Variants in C11orf65 observed in about 807,000 individuals in gnomAD.
C11orf65 encodes protein MFI.
A neutral mutation model predicts 35.3 loss-of-function variants in C11orf65; 38 were observed. The ratio of observed to expected loss-of-function variants is 1.08; its 90% CI spans 0.83 to 1.41. The LOEUF (loss-of-function observed/expected upper bound fraction) is 1.41, where lower values mean the gene tolerates loss of function less well. Among genes scored for constraint, C11orf65 ranks in the 40% most tolerant of loss-of-function variants. C11orf65 has a pLI of 0.00. For missense variants in C11orf65, 370 were observed against 367.1 expected (o/e 1.01, Z -0.06); for synonymous variants, 105 against 114.4 (o/e 0.92, Z 0.53).
intron 6 of C11orf65, chr11:108,317,652 T>TATATATATATATATACACACACAC (rs1399501257): frequency 1.4e-4 from 16 of 117,450 alleles, no homozygotes; most frequent in African/African-American, 8.1e-4. Context: ...TATATATATA[T>TATATATATATATATACACACACAC]ACACACACAC....
At chr11:108,452,517 T>G (rs528453545) in intron 2 of C11orf65, among the ~76,000 whole-genome samples, 1 of 152,256 alleles carries the variant, frequency 6.6e-6, no homozygotes, top group South Asian at 2.1e-4. Context: ...CTGGAGAGGA[T>G]GTGGAGAAAT....
At chr11:108,390,964 C>CT (rs2092145537) in intron 7 of C11orf65, among the ~76,000 whole-genome samples, 1 of 152,048 alleles carries the variant, frequency 6.6e-6, no homozygotes, top group Non-Finnish European at 1.5e-5. Flanking sequence ...TCAGTATCTT[C>CT]TTTTTTCTTT....
chr11:108,409,611 G>A (rs551380863), intron 3 of C11orf65, among the ~76,000 whole-genome samples: 1 of 152,154 alleles, frequency 6.6e-6, no homozygotes, highest in South Asian at 2.1e-4. Flanking sequence ...TGATCATGAG[G>A]GTAAACAACT....
intron 2 of C11orf65, among the ~76,000 whole-genome samples, chr11:108,369,741 G>C (rs141373489): frequency 2.6e-4 from 39 of 152,264 alleles, no homozygotes; most frequent in Non-Finnish European, 4.9e-4. Flanking sequence ...AAAAGCAGTG[G>C]TTCTTAACCA....
chr11:108,339,717 C>CA (rs758149026), intron 2 of C11orf65, among the ~76,000 whole-genome samples: 1 of 152,006 alleles, frequency 6.6e-6, no homozygotes, highest in Admixed American at 6.6e-5. Flanking sequence ...AATCTCTCAA[C>CA]AAAAAATAAG....
chr11:108,387,682 C>A (rs2092044546), intron 7 of C11orf65, among the ~76,000 whole-genome samples: 1 of 152,036 alleles, frequency 6.6e-6, no homozygotes, highest in Admixed American at 6.6e-5. Context: ...TGCATGTCAC[C>A]ACACCTGGCT....
At chr11:108,317,662 C>CT (rs2084854387) in intron 6 of C11orf65, 1 of 223,586 alleles carries the variant, frequency 4.5e-6, no homozygotes, top group Admixed American at 6.1e-5. Context: ...TACACACACA[C>CT]ACACACACAC....
chr11:108,347,378 A>G lies in C11orf65; in HGVS notation c.227-12086T>C, dbSNP rs761992165. 1 of 1,537,932 alleles carries G rather than the reference A, an allele frequency of 6.5e-7. No homozygotes were observed. Among genetic ancestry groups the G allele is most frequent in the Non-Finnish European group, 9.0e-7 (1 of 1,111,600 alleles). On this transcript the variant is annotated intron_variant, in intron 2 of 3. Coordinates refer to the C11orf65 transcript ENST00000524755. ...CATATAGATCTAGGTAAGTAATAAA[A>G]TCTATGTATCTATTCTTTTTAGTAA...
At chr11:108,461,660 CTCTGTCACCCAAGCTGGA>C in intron 1 of C11orf65, 92 bp from the exon 2 acceptor site, 1 of 839,802 alleles carries the variant, frequency 1.2e-6, no homozygotes, top group South Asian at 1.9e-5. Context: ...CACATTCTTG[CTCTGTCACCCAAGCTGGA>C]GTGCAGTGGT....
intron 3 of C11orf65, among the ~76,000 whole-genome samples, chr11:108,429,867 G>A (rs937420540): frequency 6.6e-6 from 1 of 152,176 alleles, no homozygotes; most frequent in Non-Finnish European, 1.5e-5. Flanking sequence ...TGAGGACACT[G>A]TGCTAAGTGA....
At chr11:108,335,148 A>G (rs2136668586) in intron 3 of C11orf65, 2 of 1,613,180 alleles carry the variant, frequency 1.2e-6, no homozygotes, top group Non-Finnish European at 1.7e-6. Flanking sequence ...TTAGAGTTTT[A>G]GTGATGAAAA....
intron 2 of C11orf65, chr11:108,356,215 A>G (rs1006008278): frequency 7.2e-5 from 11 of 152,076 alleles, no homozygotes; most frequent in African/African-American, 2.7e-4. Flanking sequence ...TAAACTCTAA[A>G]GTTATATTAT....
chr11:108,370,597 A>G (rs2091537790), intron 2 of C11orf65, among the ~76,000 whole-genome samples: 1 of 149,686 alleles, frequency 6.7e-6, no homozygotes, highest in Non-Finnish European at 1.5e-5. Context: ...CTTTAAATTT[A>G]CTGTTTGCTG....
chr11:108,314,369 G>A (rs972724058), intron 6 of C11orf65, among the ~76,000 whole-genome samples: 8 of 152,076 alleles, frequency 5.3e-5, no homozygotes, highest in Admixed American at 3.9e-4. Context: ...GCTACCCAAA[G>A]TACTGGGATT....
chr11:108,393,685 AC>A (rs2092227067), intron 6 of C11orf65, among the ~76,000 whole-genome samples: 1 of 152,196 alleles, frequency 6.6e-6, no homozygotes. Flanking sequence ...GGTCTTAGAA[AC>A]CAAATAACTA....
At chr11:108,402,261 A>G (rs2092452639) in intron 6 of C11orf65, among the ~76,000 whole-genome samples, 1 of 152,156 alleles carries the variant, frequency 6.6e-6, no homozygotes, top group African/African-American at 2.4e-5. Flanking sequence ...CTCAAAAGGG[A>G]GAGTAAGGGT....
chr11:108,390,004 TTATTTA>T (rs1186779863), intron 7 of C11orf65, among the ~76,000 whole-genome samples: 1 of 149,892 alleles, frequency 6.7e-6, no homozygotes, highest in Non-Finnish European at 1.5e-5. Flanking sequence ...GGTTTTTTTT[TTATTTA>T]TTTTATTTTT....
intron 2 of C11orf65, among the ~76,000 whole-genome samples, chr11:108,448,719 G>T (rs11212646): frequency 0.012 from 1,790 of 152,038 alleles, 35 homozygotes; most frequent in African/African-American, 0.04. Context: ...CTTTGAAAAC[G>T]GGCACAAGAC....
intron 3 of C11orf65, among the ~76,000 whole-genome samples, 167 bp from the exon 4 acceptor site, chr11:108,407,316 A>T (rs1238345203): frequency 1.3e-5 from 2 of 152,026 alleles, no homozygotes; most frequent in African/African-American, 4.8e-5. Context: ...AAAAATTGTT[A>T]AAAAAATTTT....
Sources: gnomAD v4.1 joint callset for allele counts (sites outside exome capture counted in the v4.1 genomes callset) on GRCh38, gnomAD v4.1.1 for gene constraint, MANE v1.5 for transcripts, NCBI Gene and HGNC (gene_info 2026-07-23, HGNC 2026-07-21) for gene names.